CNR2: variants seen among roughly 807,000 people sequenced by gnomAD.
The protein encoded by CNR2 is cannabinoid receptor 2.
For synonymous variants in CNR2, 172 were observed against 182.2 expected (o/e 0.94, Z 0.45); for missense variants, 379 against 439.9 (o/e 0.86, Z 1.24).
Position 23,875,348 on chromosome 1 carries a change from G to A in CNR2, c.270C>T (p.Ser90=), listed in dbSNP as rs776353998. 1.2e-6 allele frequency: 2 copies of A among 1,614,224 alleles called. No individual in the cohort carries two copies. The highest frequency in any genetic ancestry group is 1.1e-5 in the South Asian group (1 of 91,090). Residue 90 remains serine, a synonymous_variant, in exon 2 of 2, where the codon AGC becomes AGT. Transcript: ENST00000374472. ...CATGGAAAACATGGAAATTCACAAA[G>A]CTGCATGCAAAGACCACACTGGCCA... ...DFLASVVFAC[S]FVNFHVFHGV...
chr1:23,894,367 G>T (rs998845051), intron 1 of CNR2, among the ~76,000 whole-genome samples: 8 of 151,958 alleles, frequency 5.3e-5, no homozygotes, highest in African/African-American at 1.7e-4. Context: ...GTTGCACTGA[G>T]CTGAGATCAT....
At chr1:23,909,228 C>T (rs1368375270) in intron 1 of CNR2, among the ~76,000 whole-genome samples, 1 of 152,166 alleles carries the variant, frequency 6.6e-6, no homozygotes, top group Non-Finnish European at 1.5e-5. Flanking sequence ...CTGTCATTTT[C>T]TCTCCTTGGC....
chr1:23,874,461 C>T lies in CNR2; in HGVS notation c.*74G>A. 1 of 1,487,946 alleles carries T rather than the reference C, an allele frequency of 6.7e-7. No individual in the cohort carries two copies. The allele number at this position is 1,487,946 out of a possible 1,614,324, so 92.2% of individuals were successfully genotyped here. A position where few individuals can be genotyped will look rare whatever the true frequency, so the allele number is the denominator to read the frequency against. On this transcript the variant is annotated 3_prime_UTR_variant, in exon 2 of 2. Transcript: ENST00000374472. Reference sequence around the variant, plus strand: ...GACTGGTTTAAGTAAGAAGAGAGTGCCAAGACCCCTCTCTCTCTTCCAGGG... The same window carrying T: ...GACTGGTTTAAGTAAGAAGAGAGTGTCAAGACCCCTCTCTCTCTTCCAGGG...
chr1:23,898,746 A>G (rs6663610), intron 1 of CNR2, among the ~76,000 whole-genome samples: 143,269 of 146,110 alleles, frequency 0.98, 70,298 homozygotes, highest in East Asian at 1. Context: ...TCCGCCTCCC[A>G]GGTTCAAGTG....
chr1:23,891,660 AT>A (rs1640194749), intron 1 of CNR2, among the ~76,000 whole-genome samples: 4 of 146,016 alleles, frequency 2.7e-5, no homozygotes, highest in Admixed American at 2.7e-4. Context: ...ACCTCTTTTT[AT>A]AACTACTTTG....
rs1421732343 is a variant in CNR2 at position 23,874,544 on chromosome 1, A to G, written c.1074T>C (p.Ser358=). Residue 358 remains serine, a synonymous_variant, in exon 2 of 2, where the codon TCT becomes TCC. Coordinates refer to ENST00000374472, the MANE Select transcript of CNR2 (RefSeq NM_001841.3). The part of the protein sequence containing the change: ...PWPDSRDLDL[S]DC The stretch of plus-strand genomic sequence containing the variant: ...TTGGGAAGAGGCCTCATCAGCAATC[A>G]GAGAGGTCTAGATCTCTGGAATCTG... The G allele has an allele frequency of 6.2e-6, 10 of 1,611,110 alleles. No homozygotes were observed. The highest frequency in any genetic ancestry group is 1.7e-5 in the Admixed American group (1 of 59,442).
intron 1 of CNR2, among the ~76,000 whole-genome samples, chr1:23,881,050 C>T (rs1260170564): frequency 6.6e-6 from 1 of 151,188 alleles, no homozygotes; most frequent in Non-Finnish European, 1.5e-5. Flanking sequence ...CCAAGGCGGG[C>T]AGATCACCTG....
intron 1 of CNR2, among the ~76,000 whole-genome samples, chr1:23,891,036 A>C (rs1162644628): frequency 6.6e-6 from 1 of 151,392 alleles, no homozygotes; most frequent in Non-Finnish European, 1.5e-5. Context: ...GAGCCACCAC[A>C]CCTGGATAAT....
intron 1 of CNR2, among the ~76,000 whole-genome samples, chr1:23,899,900 A>AAAGAAAGAGAAAG (rs1244726956): frequency 0.014 from 65 of 4,752 alleles, 5 homozygotes; most frequent in African/African-American, 0.014. Flanking sequence ...AAAGAGAAAG[A>AAAGAAAGAGAAAG]AAGAAAGAGA....
At chr1:23,903,421 A>G (rs556647376) in intron 1 of CNR2, among the ~76,000 whole-genome samples, 34 of 152,064 alleles carry the variant, frequency 2.2e-4, no homozygotes, top group African/African-American at 8.2e-4. Flanking sequence ...CAAATAAAAA[A>G]AAATTAGCCA....
At chr1:23,887,603 G>A (rs1331588887) in intron 1 of CNR2, among the ~76,000 whole-genome samples, 1 of 152,202 alleles carries the variant, frequency 6.6e-6, no homozygotes, top group Non-Finnish European at 1.5e-5. Flanking sequence ...CCAGCTCACT[G>A]TCTTCCCTTT....
chr1:23,902,498 A>G, intron 1 of CNR2: 1 of 1,607,006 alleles, frequency 6.2e-7, no homozygotes, highest in Middle Eastern at 1.7e-4. Context: ...CGATCTCATC[A>G]CTGTACACGT....
At chr1:23,907,945 T>A (rs1352796165) in intron 1 of CNR2, 1 of 149,886 alleles carries the variant, frequency 6.7e-6, no homozygotes, top group African/African-American at 2.4e-5. Flanking sequence ...TGGTTGTGAG[T>A]CATGAGCTAG....
At chr1:23,897,922 C>T (rs1405466635) in intron 1 of CNR2, among the ~76,000 whole-genome samples, 2 of 152,234 alleles carry the variant, frequency 1.3e-5, no homozygotes, top group East Asian at 3.8e-4. Context: ...TTGCCACTCT[C>T]TCCTGAGTGC....
chr1:23,890,745 CAAAA>C (rs34698652), intron 1 of CNR2, among the ~76,000 whole-genome samples: 4 of 140,060 alleles, frequency 2.9e-5, no homozygotes, highest in Non-Finnish European at 3.1e-5. Context: ...GACTCTGTCT[CAAAA>C]AAAAAAAAAA....
chr1:23,895,495 C>G (rs1283673543), intron 1 of CNR2, among the ~76,000 whole-genome samples: 1 of 152,034 alleles, frequency 6.6e-6, no homozygotes, highest in Non-Finnish European at 1.5e-5. Context: ...AAAGCCAGGA[C>G]CTGAGTCCTT....
chr1:23,875,216 G>A lies in CNR2; in HGVS notation c.402C>T (p.Cys134=). 1 of 1,614,190 alleles carries A rather than the reference G, an allele frequency of 6.2e-7. No individual in the cohort carries two copies. The change falls in exon 2 of 2, where the codon TGC becomes TGT. Residue 134 remains cysteine (C), a synonymous_variant. Coordinates refer to ENST00000374472, the MANE Select transcript of CNR2 (RefSeq NM_001841.3). ...CTTTGTAGGAAGGTGGATAGCGCAG[G>A]CAGAGGTATCGGTCAATGGCGGTCA... ...LLLTAIDRYL[C]LRYPPSYKAL... is the part of the protein sequence containing the mutation.
chr1:23,886,014 A>T (rs4649128), intron 1 of CNR2, among the ~76,000 whole-genome samples: 74 of 150,126 alleles, frequency 4.9e-4, no homozygotes, highest in African/African-American at 1.8e-3. Context: ...ATGGTGAAAC[A>T]CCGTCTCTAC....
intron 1 of CNR2, among the ~76,000 whole-genome samples, chr1:23,877,826 T>C (rs978338882): frequency 3.3e-5 from 5 of 151,840 alleles, no homozygotes; most frequent in African/African-American, 1.2e-4. Flanking sequence ...CCGGGCACGA[T>C]GGTGGACACC....
Sources: gnomAD v4.1 joint callset for allele counts (sites outside exome capture counted in the v4.1 genomes callset) on GRCh38, gnomAD v4.1.1 for gene constraint, MANE v1.5 for transcripts, NCBI Gene and HGNC (gene_info 2026-07-23, HGNC 2026-07-21) for gene names.